The following PCDH15 variants were observed in gnomAD, a reference collection of about 807,000 sequenced individuals.
PCDH15 encodes protocadherin related 15.
Under a neutral mutation model 178.5 loss-of-function variants are expected in PCDH15, and 129 were observed. That is an observed-to-expected ratio of 0.72 (90% CI 0.63 to 0.84). The LOEUF is 0.84. PCDH15 is among the 40% of genes least tolerant of loss of function. The pLI is 0.00. For missense variants in PCDH15, 2,230 were observed against 2,099.9 expected (o/e 1.06, Z -1.21); for synonymous variants, 800 against 732.0 (o/e 1.09, Z -1.50).
intron 20 of PCDH15, among the ~76,000 whole-genome samples, chr10:54,010,020 C>T (rs1022549051): frequency 1.3e-5 from 2 of 152,178 alleles, no homozygotes; most frequent in Admixed American, 6.5e-5. Flanking sequence ...CATTGCAGGC[C>T]TCATCTCAGC....
intron 18 of PCDH15, among the ~76,000 whole-genome samples, chr10:54,044,585 C>T (rs944613411): frequency 1.3e-5 from 2 of 151,954 alleles, no homozygotes; most frequent in Non-Finnish European, 2.9e-5. Flanking sequence ...ATTCAGAATC[C>T]AGGTGGAAAT....
At chr10:55,451,572 G>A (rs1839436265) in intron 2 of PCDH15, among the ~76,000 whole-genome samples, 1 of 152,076 alleles carries the variant, frequency 6.6e-6, no homozygotes, top group African/African-American at 2.4e-5. Context: ...AACAAATATT[G>A]TAAAAAAGAA....
chr10:53,963,960 G>C (rs950156765), intron 21 of PCDH15, among the ~76,000 whole-genome samples: 1 of 152,076 alleles, frequency 6.6e-6, no homozygotes, highest in Admixed American at 6.6e-5. Flanking sequence ...TTGTTAGTAA[G>C]GGCAATCTGA....
Position 54,893,952 on chromosome 10 carries a change from G to C in PCDH15, c.-29+3498C>G, listed in dbSNP as rs1954507275. 2.6e-5 allele frequency among the ~76,000 whole-genome samples: 4 copies of C among 152,192 alleles called. No individual in the cohort carries two copies. In the South Asian group the frequency reaches 8.3e-4, roughly 32 times the overall value. On this transcript the variant is annotated intron_variant, in intron 3 of 5. Coordinates refer to the PCDH15 transcript ENST00000458638. ...TGTAGCCTTGCTTGTCTAATCATCT[G>C]ATCACTGGAAAAGCAGCGTTTATAC...
intron 21 of PCDH15, among the ~76,000 whole-genome samples, chr10:53,977,449 G>C (rs769120136): frequency 1.3e-5 from 2 of 152,166 alleles, no homozygotes; most frequent in Non-Finnish European, 2.9e-5. Flanking sequence ...CTTGATCCTA[G>C]ACCAAACCCC....
chr10:54,949,116 T>TA (rs1281472157), intron 2 of PCDH15, among the ~76,000 whole-genome samples: 1 of 151,984 alleles, frequency 6.6e-6, no homozygotes, highest in Non-Finnish European at 1.5e-5. Flanking sequence ...TGATTTCATC[T>TA]AAAATGCATA....
chr10:55,391,495 G>C (rs990631120), intron 2 of PCDH15, among the ~76,000 whole-genome samples: 3 of 151,426 alleles, frequency 2.0e-5, no homozygotes, highest in Non-Finnish European at 2.9e-5. Flanking sequence ...CTTCTTTTTT[G>C]GGGGGTGGGG....
At chr10:54,925,609 G>A (rs749025604) in intron 2 of PCDH15, among the ~76,000 whole-genome samples, 2 of 152,000 alleles carry the variant, frequency 1.3e-5, no homozygotes, top group Non-Finnish European at 2.9e-5. Context: ...TGTGTCATCT[G>A]GGAATTCTTT....
At chr10:54,638,565 A>T (rs2093915700) in intron 2 of PCDH15, among the ~76,000 whole-genome samples, 1 of 152,156 alleles carries the variant, frequency 6.6e-6, no homozygotes, top group Non-Finnish European at 1.5e-5. Context: ...AATTTAAGAT[A>T]GTGCCTGGCT....
At chr10:55,316,191 C>A (rs534658872) in intron 1 of PCDH15, among the ~76,000 whole-genome samples, 2 of 152,218 alleles carry the variant, frequency 1.3e-5, no homozygotes, top group South Asian at 4.1e-4. Flanking sequence ...ACATATGCTA[C>A]TGTAAATAAA....
At chr10:54,185,042 T>C in intron 12 of PCDH15, 92 bp downstream of exon 12, 2 of 1,468,016 alleles carry the variant, frequency 1.4e-6, no homozygotes, top group African/African-American at 1.4e-5. Context: ...ATTGATTTTT[T>C]CAGTTTTAAC....
chr10:53,830,429 T>C (rs946814079), intron 30 of PCDH15, among the ~76,000 whole-genome samples: 1 of 152,214 alleles, frequency 6.6e-6, no homozygotes, highest in Non-Finnish European at 1.5e-5. Context: ...GTAATTTACA[T>C]GATTTATTAT....
chr10:54,402,603 G>T (rs976958804), intron 3 of PCDH15, among the ~76,000 whole-genome samples: 1 of 151,796 alleles, frequency 6.6e-6, no homozygotes, highest in East Asian at 1.9e-4. Context: ...ATGTCTGTGT[G>T]TCACAGTTTG....
At chr10:54,528,006 C>T in intron 2 of PCDH15, 129 bp from the exon 3 acceptor site, 1 of 699,872 alleles carries the variant, frequency 1.4e-6, no homozygotes, top group South Asian at 1.7e-5. Flanking sequence ...TGCATCACTA[C>T]AATTAATATT....
At chr10:53,807,561 A>AT (rs1380871306) in intron 37 of PCDH15, among the ~76,000 whole-genome samples, 1 of 152,154 alleles carries the variant, frequency 6.6e-6, no homozygotes, top group Non-Finnish European at 1.5e-5. Flanking sequence ...TTTAAAAAAT[A>AT]TTTTTAAACC....
At chr10:54,070,218 T>A (rs1355564096) in intron 17 of PCDH15, among the ~76,000 whole-genome samples, 1 of 152,210 alleles carries the variant, frequency 6.6e-6, no homozygotes, top group Non-Finnish European at 1.5e-5. Context: ...TGTTTGTTTG[T>A]TTTGAGACAA....
intron 2 of PCDH15, among the ~76,000 whole-genome samples, chr10:54,966,742 C>T (rs1488781907): frequency 2.0e-5 from 3 of 152,038 alleles, no homozygotes; most frequent in Non-Finnish European, 4.4e-5. Flanking sequence ...TTTCACTTGG[C>T]TTTCATTCTC....
At chr10:53,957,895 C>T (rs988016627) in intron 23 of PCDH15, among the ~76,000 whole-genome samples, 4 of 152,090 alleles carry the variant, frequency 2.6e-5, no homozygotes, top group East Asian at 3.9e-4. Context: ...ACAGATTAAA[C>T]AAGAATTCTT....
chr10:54,478,410 C>A (rs1435377633), intron 3 of PCDH15, among the ~76,000 whole-genome samples: 1 of 152,002 alleles, frequency 6.6e-6, no homozygotes, highest in Non-Finnish European at 1.5e-5. Flanking sequence ...TAATGATAGC[C>A]AGTTGCACCA....
Sources: gnomAD v4.1 joint callset for allele counts (sites outside exome capture counted in the v4.1 genomes callset) on GRCh38, gnomAD v4.1.1 for gene constraint, MANE v1.5 for transcripts, NCBI Gene and HGNC (gene_info 2026-07-23, HGNC 2026-07-21) for gene names.